KMT2D: variants seen among roughly 807,000 people sequenced by gnomAD.
KMT2D encodes lysine methyltransferase 2D.
In KMT2D, 55 loss-of-function variants were observed where a neutral mutation model predicts 512.7. The observed-to-expected ratio is 0.11, with a 90% CI of 0.09 to 0.13. The LOEUF (loss-of-function observed/expected upper bound fraction) is 0.13, where lower values mean the gene tolerates loss of function less well. Among genes scored for constraint, KMT2D ranks in the 10% least tolerant of loss-of-function variants. The pLI, the probability that KMT2D is intolerant of heterozygous loss-of-function variation, is 1.00. For missense variants in KMT2D, 6,061 were observed against 7,127.9 expected, an observed-to-expected ratio of 0.85 and a Z score of 5.39; for synonymous variants, 2,995 against 2,904.0, an observed-to-expected ratio of 1.03 and a Z score of -1.01.
chr12:49,030,180 A>G lies in KMT2D; in HGVS notation c.13999+100T>C, dbSNP rs1592112423. The G allele has an allele frequency of 1.2e-5, 12 of 1,021,820 alleles. No homozygotes were observed. The East Asian group carries it at 3.2e-4, about 28-fold the overall frequency. 63.3% of individuals were successfully genotyped at this position (1,021,820 alleles called of 1,614,324 possible). On this transcript the variant is annotated intron_variant, in intron 43 of 54. Transcript: ENST00000301067. ...GTGCCCTGTTATGTAAACACACAGG[A>G]CAGCAGGCAACCCACTAATTTCTAA...
Position 49,040,569 on chromosome 12 carries a change from G to A in KMT2D, c.7201C>T (p.Arg2401Cys), listed in dbSNP as rs748969699. 36 of 1,612,800 alleles carry A rather than the reference G, an allele frequency of 2.2e-5. No homozygotes were observed. Among genetic ancestry groups the A allele is most frequent in the Admixed American group, 2.2e-4 (13 of 59,914 alleles). Residue 2401 changes from arginine to cysteine, a missense_variant, in exon 32 of 55, where the codon CGC becomes TGC. Physicochemically the swap from Arg to Cys is radical, Grantham distance 180. This residue lies in a region of KMT2D where 710 missense variants were observed against 647.3 expected (regional missense o/e 1.10). Coordinates refer to ENST00000301067, the MANE Select transcript of KMT2D (RefSeq NM_003482.4). Reference sequence around the variant, plus strand: ...GAGAAAGGGTCGGAGGGCAGTGAGCGAGGGGGCAGAGCACAGCAGCTCTCA... The same window carrying A: ...GAGAAAGGGTCGGAGGGCAGTGAGCAAGGGGGCAGAGCACAGCAGCTCTCA... ...PPESCCALPPRSLPSDPFSRV... is the reference protein window; with the variant it reads ...PPESCCALPPCSLPSDPFSRV...
intron 51 of KMT2D, among the ~76,000 whole-genome samples, chr12:49,023,636 A>G (rs1942433535): frequency 6.6e-6 from 1 of 152,238 alleles, no homozygotes; most frequent in Admixed American, 6.5e-5. Flanking sequence ...TACATAAACT[A>G]GATGACAATG....
chr12:49,041,332 C>T lies in KMT2D; in HGVS notation c.6438G>A (p.Pro2146=), dbSNP rs1943516487. Residue 2146 remains proline (P), a synonymous_variant, in exon 32 of 55, where the codon CCG becomes CCA. Coordinates refer to ENST00000301067, the MANE Select transcript of KMT2D (RefSeq NM_003482.4). The surrounding 1 kb of genome is among the most constrained non-coding windows in gnomAD (Gnocchi z 5.4). The stretch of plus-strand genomic sequence containing the variant: ...AGTCAGGGCCAGGCACCGAGCCCGC[C>T]GGCGGCTTCAGGAACCCGTCCGCAG... ...STSADGFLKP[P]AGSVPGPDSP... is the part of the protein sequence containing the mutation. 9.7e-6 allele frequency: 15 copies of T among 1,543,136 alleles called. No homozygotes were observed. The highest frequency in any genetic ancestry group is 2.7e-5 in the African/African-American group (2 of 72,838).
chr12:49,019,098 A>G lies in KMT2D; in HGVS notation c.*2682T>C. 1 of 1,198,618 alleles carries G rather than the reference A, an allele frequency of 8.3e-7. No homozygotes were observed. The highest frequency in any genetic ancestry group is 2.4e-5 in the South Asian group (1 of 41,034). 74.2% of individuals were successfully genotyped at this position (1,198,618 alleles called of 1,614,324 possible). ...TACAGTTCAGAATGATCGCTGATAC[A>G]AAACATGCCAAGGACAGGGGCGCTG... On this transcript the variant is annotated 3_prime_UTR_variant, in exon 55 of 55. Coordinates refer to ENST00000301067, the MANE Select transcript of KMT2D (RefSeq NM_003482.4).
Position 49,053,985 on chromosome 12 carries a change from T to C in KMT2D, c.666A>G (p.Ala222=), listed in dbSNP as rs999247283. The change falls in exon 6 of 55, where the codon GCA becomes GCG. Residue 222 remains alanine, a synonymous_variant. Coordinates refer to ENST00000301067, the MANE Select transcript of KMT2D (RefSeq NM_003482.4). ...LLCPEHSEGA[A]YLEEARCAVC... Reference sequence around the variant, plus strand: ...AAGATCAGGACTTCTCACCCAGATATGCAGCCCCCTCACTGTGCTCTGGGC... The same window carrying C: ...AAGATCAGGACTTCTCACCCAGATACGCAGCCCCCTCACTGTGCTCTGGGC... 3 of 1,613,396 alleles carry C rather than the reference T, an allele frequency of 1.9e-6. No homozygotes were observed. Among genetic ancestry groups the C allele is most frequent in the Non-Finnish European group, 2.5e-6 (3 of 1,179,682 alleles).
Position 49,039,376 on chromosome 12 carries a change from G to A in KMT2D, c.8230-18C>T, listed in dbSNP as rs1943377695. 6.2e-7 allele frequency: 1 copy of A among 1,609,122 alleles called. No individual in the cohort carries two copies. The highest frequency in any genetic ancestry group is 8.5e-7 in the Non-Finnish European group (1 of 1,177,318). ...CTCTTGTCCTAGAAGAGACAAGGTA[G>A]ATGAAGGTGGAGCAACCTTCAATAT... On this transcript the variant is annotated intron_variant, in intron 33 of 54. Transcript: ENST00000301067. This position sits in a 1 kb window ranked among gnomAD's most constrained non-coding sequence, Gnocchi z 5.0.
In KMT2D at chr12:49,022,114, C is replaced by T. The variant is rs2137703868; in HGVS notation, c.16450G>A (p.Glu5484Lys). 1.9e-6 allele frequency: 3 copies of T among 1,613,918 alleles called. No individual in the cohort carries two copies. Among genetic ancestry groups the T allele is most frequent in the Non-Finnish European group, 2.5e-6 (3 of 1,179,870 alleles). Residue 5484 changes from glutamate (E) to lysine (K), a missense_variant, in exon 54 of 55, where the codon GAA becomes AAA. By Grantham distance (56) the Glu-to-Lys change is moderately conservative. Transcript: ENST00000301067. The surrounding 1 kb of genome is among the most constrained non-coding windows in gnomAD (Gnocchi z 8.6). ...TCCTCTTTGTCAAATGTCACGACTT[C>T]GGCCACACAGTTAGGGGCACAGGAA... ...NHSCAPNCVA[E>K]VVTFDKEDKI...
Position 49,027,928 on chromosome 12 carries a change from C to A in KMT2D, c.14518G>T (p.Gly4840Trp), listed in dbSNP as rs2120377215. Residue 4840 changes from glycine (G) to tryptophan (W), a missense_variant and splice_region_variant, in exon 48 of 55, where the codon GGG (glycine) becomes TGG (tryptophan). By Grantham distance (184) the Gly-to-Trp change is radical. Coordinates refer to ENST00000301067, the MANE Select transcript of KMT2D (RefSeq NM_003482.4). ...TTGCCTTCCAGACCCTTTTCCTTCC[C>A]ACCTGCAGAAAGGAGTGGATCAGAG... ...PKKGEAEGPG[G>W]KEKGLEGKSP... The A allele has an allele frequency of 6.2e-7, 1 of 1,613,994 alleles. No homozygotes were observed. Among genetic ancestry groups the A allele is most frequent in the Non-Finnish European group, 8.5e-7 (1 of 1,179,890 alleles).
rs2120662306 is a variant in KMT2D, at chr12:49,051,052, A to G, written c.2631T>C (p.Pro877=). The change falls in exon 11 of 55, where the codon CCT becomes CCC. Residue 877 remains proline (P), a synonymous_variant. Transcript: ENST00000301067. ...GGGGAGGGAACAAGGGCAGCTCCTC[A>G]GGTGCAGGGCATTGGCCTGGCTCCT... ...PPEEPGQCPA[P]EELPLFPPPG... 1 of 1,538,762 alleles carries G rather than the reference A, an allele frequency of 6.5e-7. No individual in the cohort carries two copies. Among genetic ancestry groups the G allele is most frequent in the Non-Finnish European group, 8.7e-7 (1 of 1,145,842 alleles).
Position 49,042,400 on chromosome 12 carries a change from G to A in KMT2D, c.5868-70C>T. 3 of 1,493,164 alleles carry A rather than the reference G, an allele frequency of 2.0e-6. No individual in the cohort carries two copies. The highest frequency in any genetic ancestry group is 2.7e-6 in the Non-Finnish European group (3 of 1,118,016). The allele number at this position is 1,493,164 out of a possible 1,614,324, so 92.5% of individuals were successfully genotyped here. A position where few individuals can be genotyped will look rare whatever the true frequency, so the allele number is the denominator to read the frequency against. ...TCCCACCCCAGACAAACTGCCTAGA[G>A]CCCCAGGCCACTGCCCTGCCCCAAA... On this transcript the variant is annotated intron_variant, in intron 28 of 54. Coordinates refer to ENST00000301067, the MANE Select transcript of KMT2D (RefSeq NM_003482.4). This position sits in a 1 kb window ranked among gnomAD's most constrained non-coding sequence, Gnocchi z 4.4.
At position 49,048,653 on chromosome 12, in the gene KMT2D, T is replaced by C. The variant is rs1340508021; in HGVS notation, c.4131+6A>G. On this transcript the variant is annotated splice_donor_region_variant and intron_variant, in intron 14 of 54. Coordinates refer to ENST00000301067, the MANE Select transcript of KMT2D (RefSeq NM_003482.4). ...GTTCAGTGTGCCAGGTCTCACTGTA[T>C]GGTACCTGCATTAGGACAAATTTGT... 4.4e-6 allele frequency: 7 copies of C among 1,578,638 alleles called. No individual in the cohort carries two copies. The highest frequency in any genetic ancestry group is 6.1e-6 in the Non-Finnish European group (7 of 1,147,664).
chr12:49,041,328 C>T lies in KMT2D; in HGVS notation c.6442G>A (p.Gly2148Ser), dbSNP rs1327384852. 4 of 1,540,412 alleles carry T rather than the reference C, an allele frequency of 2.6e-6. No individual in the cohort carries two copies. Among genetic ancestry groups the T allele is most frequent in the Non-Finnish European group, 3.5e-6 (4 of 1,144,790 alleles). Residue 2148 changes from glycine to serine, a missense_variant, in exon 32 of 55, where the codon GGC (glycine) becomes AGC (serine). Physicochemically the swap from Gly to Ser is moderately conservative, Grantham distance 56 (BLOSUM62 0). This residue lies in a region of KMT2D where 710 missense variants were observed against 647.3 expected (regional missense o/e 1.10). Coordinates refer to ENST00000301067, the MANE Select transcript of KMT2D (RefSeq NM_003482.4). This position sits in a 1 kb window ranked among gnomAD's most constrained non-coding sequence, Gnocchi z 5.4. ...GGCGAGTCAGGGCCAGGCACCGAGC[C>T]CGCCGGCGGCTTCAGGAACCCGTCC... is the stretch of plus-strand genomic sequence containing the variant. Reference protein sequence around the residue: ...SADGFLKPPAGSVPGPDSPGE... With the variant: ...SADGFLKPPASSVPGPDSPGE...
intron 51 of KMT2D, among the ~76,000 whole-genome samples, chr12:49,023,481 C>T (rs1942427305): frequency 6.6e-6 from 1 of 152,194 alleles, no homozygotes. Context: ...ATGACGGCTG[C>T]CTGGCAGGAT....
Position 49,046,150 on chromosome 12 carries a change from G to A in KMT2D, c.4608C>T (p.Ser1536=), listed in dbSNP as rs751508761. 6 of 1,611,344 alleles carry A rather than the reference G, an allele frequency of 3.7e-6. No homozygotes were observed. The highest frequency in any genetic ancestry group is 3.3e-5 in the South Asian group (3 of 90,612). The change falls in exon 18 of 55, where the codon AGC becomes AGT. Residue 1536 remains serine, a synonymous_variant. Transcript: ENST00000301067. This position sits in a 1 kb window ranked among gnomAD's most constrained non-coding sequence, Gnocchi z 4.2. ...CERWMHAGCE[S]LFTEDDVEQA... ...GCTCCACATCGTCCTCTGTGAAGAG[G>A]CTCTCACAGCCTGCATGCATCCACC...
chr12:49,031,941 C>T lies in KMT2D; in HGVS notation c.12764G>A (p.Gly4255Asp), dbSNP rs779646092. 1.9e-6 allele frequency: 3 copies of T among 1,547,390 alleles called. No homozygotes were observed. Among genetic ancestry groups the T allele is most frequent in the East Asian group, 4.5e-5 (2 of 44,322 alleles). ...AAGTTGAGGTTGGCAGCCCAGGAGG[C>T]CCTGGAGGGGAGAGGTCTGGGTCCC... ...EPGTQTSPLQ[G>D]LLGCQPQLGG... Residue 4255 changes from glycine (G) to aspartate (D), a missense_variant, in exon 40 of 55, where the codon GGC becomes GAC. Around this residue, in one of 16 missense-constraint regions of KMT2D, gnomAD observed 1,600 missense variants for 1,754.9 expected, o/e 0.91. Transcript: ENST00000301067.
intron 12 of KMT2D, 39 bp from the exon 13 acceptor site, chr12:49,049,257 G>C (rs1937767781): frequency 7.7e-7 from 1 of 1,306,124 alleles, no homozygotes; most frequent in Non-Finnish European, 1.1e-6. Flanking sequence ...AGCATGTCAA[G>C]GGCTAGTGTG....
intron 6 of KMT2D, 114 bp downstream of exon 6, chr12:49,053,864 G>A: frequency 8.1e-7 from 1 of 1,240,118 alleles, no homozygotes; most frequent in Non-Finnish European, 1.1e-6. Flanking sequence ...TATTTTAGTG[G>A]GGCAGACCAA....
At position 49,038,607 on chromosome 12, in the gene KMT2D, C is replaced by G. The variant is rs2120500879; in HGVS notation, c.8749G>C (p.Ala2917Pro). The part of the protein sequence containing the change: ...YPVSEDPHRL[A>P]PEGLRGLAVS... ...GCCAGGCCCCGAAGCCCTTCAGGAG[C>G]CAGTCGGTGGGGGTCCTCACTTACA... Residue 2917 changes from alanine (A) to proline (P), a missense_variant, in exon 35 of 55, where the codon GCT (alanine) becomes CCT (proline). Ala to Pro is a conservative substitution (Grantham distance 27, BLOSUM62 -1). Coordinates refer to ENST00000301067, the MANE Select transcript of KMT2D (RefSeq NM_003482.4). This position sits in a 1 kb window ranked among gnomAD's most constrained non-coding sequence, Gnocchi z 5.7. The G allele has an allele frequency of 6.2e-7, 1 of 1,612,902 alleles. No homozygotes were observed. Among genetic ancestry groups the G allele is most frequent in the African/African-American group, 1.3e-5 (1 of 75,008 alleles).
At position 49,041,802 on chromosome 12, in the gene KMT2D, C is replaced by T; in HGVS notation, c.6184-97G>A. 1.3e-6 allele frequency: 2 copies of T among 1,514,436 alleles called. No homozygotes were observed. The allele number at this position is 1,514,436 out of a possible 1,614,324, so 93.8% of individuals were successfully genotyped here. The stretch of plus-strand genomic sequence containing the variant: ...TCACACTCCCTACCCAGAAGCAGAT[C>T]CCTTCTGGCCCAGCTGCTTTAGGAG... On this transcript the variant is annotated intron_variant, in intron 30 of 54. Transcript: ENST00000301067. This position sits in a 1 kb window ranked among gnomAD's most constrained non-coding sequence, Gnocchi z 5.4.
Sources: allele counts gnomAD v4.1 joint callset (sites outside exome capture counted in the v4.1 genomes callset), GRCh38; gene constraint gnomAD v4.1.1; regional missense constraint gnomAD v4.1.1; non-coding constraint Gnocchi (gnomAD v3.1); transcripts MANE v1.5; gene names NCBI Gene and HGNC (gene_info 2026-07-23, HGNC 2026-07-21).